Variants in ITGBL1 observed in about 807,000 individuals in gnomAD.
The protein encoded by ITGBL1 is integrin beta-like protein 1.
Under a neutral mutation model 68.5 loss-of-function variants are expected in ITGBL1, and 51 were observed. The observed-to-expected ratio is 0.74, with a 90% CI of 0.59 to 0.94. ITGBL1 has a LOEUF of 0.94. Among genes scored for constraint, ITGBL1 ranks in the 40% least tolerant of loss-of-function variants. The probability of loss-of-function intolerance (pLI) is 0.00; values close to 1 mark genes in which losing one functional copy is unlikely to be tolerated. For missense variants in ITGBL1, 649 were observed against 647.4 expected, an observed-to-expected ratio of 1.00 and a Z score of -0.03; for synonymous variants, 209 against 227.3, an observed-to-expected ratio of 0.92 and a Z score of 0.72.
At chr13:101,522,396 C>A (rs1456272769) in intron 2 of ITGBL1, among the ~76,000 whole-genome samples, 4 of 152,132 alleles carry the variant, frequency 2.6e-5, no homozygotes, top group Non-Finnish European at 5.9e-5. Flanking sequence ...CTCCATTGGG[C>A]CAGCCCTGGA....
chr13:101,454,287 A>G (rs1273907775), intron 2 of ITGBL1, among the ~76,000 whole-genome samples, 187 bp downstream of exon 2: 1 of 152,076 alleles, frequency 6.6e-6, no homozygotes, highest in Non-Finnish European at 1.5e-5. Flanking sequence ...TTTATCCCCC[A>G]GGCTCTGAAC....
chr13:101,526,659 A>ATGTGTGTGTG (rs35919129), intron 2 of ITGBL1, among the ~76,000 whole-genome samples: 107 of 149,402 alleles, frequency 7.2e-4, no homozygotes, highest in East Asian at 1.6e-3. Flanking sequence ...TTGAAGTTAT[A>ATGTGTGTGTG]TGTGTGTGTG....
intron 7 of ITGBL1, among the ~76,000 whole-genome samples, chr13:101,624,826 A>G (rs901011110): frequency 6.6e-6 from 1 of 152,236 alleles, no homozygotes; most frequent in Non-Finnish European, 1.5e-5. Flanking sequence ...AGCATCATTC[A>G]TGACGTGGCT....
At chr13:101,549,073 A>T (rs1476708739) in intron 2 of ITGBL1, among the ~76,000 whole-genome samples, 1 of 151,940 alleles carries the variant, frequency 6.6e-6, no homozygotes, top group African/African-American at 2.4e-5. Flanking sequence ...TATCAACATA[A>T]GATTATACAG....
intron 2 of ITGBL1, among the ~76,000 whole-genome samples, chr13:101,468,420 G>A (rs894387389): frequency 6.6e-6 from 1 of 152,086 alleles, no homozygotes; most frequent in African/African-American, 2.4e-5. Flanking sequence ...TCATACATAT[G>A]AATTCATTCA....
rs368636954 is a variant in ITGBL1, at chr13:101,641,238, A to G, written c.1015+42939A>G. Among the ~76,000 whole-genome samples the G allele has an allele frequency of 5.9e-5, 9 of 152,308 alleles. 1 individual carries two copies. The highest frequency in any genetic ancestry group is 3.3e-4 in the Admixed American group (5 of 15,290). On this transcript the variant is annotated intron_variant, in intron 7 of 10. Coordinates refer to ENST00000376180, the MANE Select transcript of ITGBL1 (RefSeq NM_004791.3). ...TGTGCAGTGAGGGAATGATGAGTCA[A>G]TGTCTGAGTGCAACAGTAGGTGTCA...
rs1214420471 is a variant in ITGBL1, at chr13:101,681,502, T to G, written c.1016-11083T>G. On this transcript the variant is annotated intron_variant, in intron 7 of 10. Coordinates refer to ENST00000376180, the MANE Select transcript of ITGBL1 (RefSeq NM_004791.3). ...AATAATGACTTTCCTGAATTAGTTA[T>G]CTGAGGACTCTCTTGATTGTCAATC... 2.2e-4 allele frequency among the ~76,000 whole-genome samples: 34 copies of G among 152,168 alleles called. 1 individual carries two copies. The highest frequency in any genetic ancestry group is 2.2e-3 in the Admixed American group (34 of 15,258).
chr13:101,549,642 A>AT (rs899271875), intron 2 of ITGBL1, among the ~76,000 whole-genome samples: 7 of 152,038 alleles, frequency 4.6e-5, no homozygotes, highest in Non-Finnish European at 8.8e-5. Context: ...TTTTTAAAAG[A>AT]TTTTTTATAT....
chr13:101,587,048 A>G (rs2050569382), intron 6 of ITGBL1, among the ~76,000 whole-genome samples: 1 of 152,164 alleles, frequency 6.6e-6, no homozygotes, highest in Non-Finnish European at 1.5e-5. Context: ...TTTTATTTTT[A>G]GCTCCTATTC....
chr13:101,651,573 C>G (rs1249391180), intron 7 of ITGBL1, among the ~76,000 whole-genome samples: 5 of 152,004 alleles, frequency 3.3e-5, no homozygotes, highest in Non-Finnish European at 5.9e-5. Flanking sequence ...GATATTAGAC[C>G]TTTGTCAGAT....
intron 2 of ITGBL1, among the ~76,000 whole-genome samples, chr13:101,543,497 C>A (rs113582969): frequency 6.6e-6 from 1 of 152,112 alleles, no homozygotes; most frequent in African/African-American, 2.4e-5. Flanking sequence ...AACATTTTTT[C>A]CCTCATTTCA....
rs368479340 is a variant in ITGBL1 at position 101,671,443 on chromosome 13, T to G, written c.1016-21142T>G. On this transcript the variant is annotated intron_variant, in intron 7 of 10. Coordinates refer to ENST00000376180, the MANE Select transcript of ITGBL1 (RefSeq NM_004791.3). ...ATACCTTTGTTTTTTTTTTGTTTTT[T>G]TTTGTTTTTTTTTGAGACGGAGTCT... 4.4e-4 allele frequency among the ~76,000 whole-genome samples: 36 copies of G among 82,166 alleles called. 1 individual carries two copies. Among genetic ancestry groups the G allele is most frequent in the African/African-American group, 1.2e-3 (30 of 24,196 alleles). The allele number at this position is 82,166 out of a possible 152,430, so 53.9% of individuals were successfully genotyped here.
intron 2 of ITGBL1, among the ~76,000 whole-genome samples, chr13:101,476,891 A>G (rs2048545438): frequency 6.6e-6 from 1 of 152,154 alleles, no homozygotes. Context: ...CCCCAATACA[A>G]TAAGAGCTAA....
intron 7 of ITGBL1, among the ~76,000 whole-genome samples, chr13:101,667,603 T>G (rs1358423177): frequency 2.0e-5 from 3 of 152,186 alleles, no homozygotes; most frequent in African/African-American, 7.2e-5. Flanking sequence ...ATGAAAATCT[T>G]AAGTTTAGCC....
At chr13:101,492,300 T>C (rs1167293326) in intron 2 of ITGBL1, among the ~76,000 whole-genome samples, 4 of 152,186 alleles carry the variant, frequency 2.6e-5, no homozygotes, top group Admixed American at 2.6e-4. Flanking sequence ...TTCAAAGGCG[T>C]TAAGTCAATA....
intron 10 of ITGBL1, 170 bp downstream of exon 10, chr13:101,714,721 C>CATT (rs2034636008): frequency 1.7e-6 from 1 of 597,008 alleles, no homozygotes. Flanking sequence ...AAAAGCCTCA[C>CATT]ATTATTCCTA....
chr13:101,715,714 C>T lies in ITGBL1; in HGVS notation c.*60C>T, dbSNP rs188773082. The T allele has an allele frequency of 1.2e-4, 123 of 1,054,448 alleles. 2 individuals are homozygous for T. The Admixed American group carries it at 1.4e-3, about 12-fold the overall frequency. The allele number at this position is 1,054,448 out of a possible 1,614,324, so 65.3% of individuals were successfully genotyped here. On this transcript the variant is annotated 3_prime_UTR_variant, in exon 11 of 11. Coordinates refer to ENST00000376180, the MANE Select transcript of ITGBL1 (RefSeq NM_004791.3). The stretch of plus-strand genomic sequence containing the variant: ...TCTGGGCCATTAGAACAGATAAATG[C>T]GAAGGAAACCATGTATATTCACCAC...
At chr13:101,568,326 T>A (rs1203419758) in intron 3 of ITGBL1, among the ~76,000 whole-genome samples, 1 of 152,190 alleles carries the variant, frequency 6.6e-6, no homozygotes, top group Admixed American at 6.5e-5. Flanking sequence ...ATCAAAATAT[T>A]TTTTATTTCA....
At chr13:101,698,932 C>A (rs776538612) in intron 8 of ITGBL1, among the ~76,000 whole-genome samples, 5 of 152,228 alleles carry the variant, frequency 3.3e-5, no homozygotes, top group Non-Finnish European at 4.4e-5. Context: ...ATTTAAAAAA[C>A]AAGAAGGGAT....
Sources: allele counts gnomAD v4.1 joint callset (sites outside exome capture counted in the v4.1 genomes callset), GRCh38; gene constraint gnomAD v4.1.1; transcripts MANE v1.5; gene names NCBI Gene and HGNC (gene_info 2026-07-23, HGNC 2026-07-21).